The following FCRL2 variants were observed in gnomAD, a reference collection of about 807,000 sequenced individuals.
FCRL2 encodes the protein Fc receptor like 2.
A neutral mutation model predicts 59.8 loss-of-function variants in FCRL2; 48 were observed. The ratio of observed to expected loss-of-function variants is 0.80; its 90% CI spans 0.64 to 1.02. FCRL2 has a LOEUF of 1.02. Among genes scored for constraint, FCRL2 ranks in the 50% least tolerant of loss-of-function variants. FCRL2 has a pLI of 0.00. For synonymous variants in FCRL2, 251 were observed against 229.5 expected (o/e 1.09, Z -0.85); for missense variants, 658 against 597.3 (o/e 1.10, Z -1.06).
intron 7 of FCRL2, among the ~76,000 whole-genome samples, chr1:157,760,678 GGAAAGAAAGAAAGAAAGAAGGAAA>G (rs1648964810): frequency 1.4e-5 from 1 of 70,550 alleles, no homozygotes; most frequent in Non-Finnish European, 2.7e-5. Flanking sequence ...AAGGAAGGAA[GGAAAGAAAGAAAGAAAGAAGGAAA>G]GAAAGAAAGA....
intron 7 of FCRL2, chr1:157,766,650 T>C (rs1571282258): frequency 3.0e-6 from 2 of 670,266 alleles, no homozygotes; most frequent in East Asian, 2.9e-5. Context: ...CCAGTGACTA[T>C]GCACAGGGAA....
chr1:157,759,413 A>G (rs1648856406), intron 7 of FCRL2, among the ~76,000 whole-genome samples: 1 of 152,216 alleles, frequency 6.6e-6, no homozygotes. Context: ...GAAGACTCCA[A>G]AAACAATTGC....
chr1:157,757,956 C>T (rs531881178), intron 7 of FCRL2, among the ~76,000 whole-genome samples: 4 of 152,126 alleles, frequency 2.6e-5, no homozygotes, highest in East Asian at 3.9e-4. Context: ...AGTGAGACTG[C>T]GTCTCGAAAA....
rs564798460 is a variant in FCRL2 at position 157,768,058 on chromosome 1, A to C, written c.883+356T>G. On this transcript the variant is annotated intron_variant, in intron 5 of 11. Transcript: ENST00000361516. ...AGTTTCGGCAAGCTAGAAACACTCT[A>C]ATCACTTTGAAGGAGATGACATAAA... 9 of 242,194 alleles carry C rather than the reference A, an allele frequency of 3.7e-5. No individual in the cohort carries two copies. The South Asian group carries it at 6.1e-4, about 16-fold the overall frequency. 15.0% of individuals were successfully genotyped at this position (242,194 alleles called of 1,614,324 possible).
chr1:157,767,998 C>T (rs540512434), intron 5 of FCRL2: 22 of 245,630 alleles, frequency 9.0e-5, no homozygotes, highest in South Asian at 5.5e-4. Flanking sequence ...AGTAAATCAC[C>T]AATAACATGG....
chr1:157,758,764 T>A (rs1261021357), intron 7 of FCRL2, among the ~76,000 whole-genome samples: 6 of 120,552 alleles, frequency 5.0e-5, no homozygotes, highest in African/African-American at 1.6e-4. Context: ...AATAACCAAA[T>A]AAGAAATAAA....
At chr1:157,768,796 T>A (rs1335884266) in intron 4 of FCRL2, 95 bp from the exon 5 acceptor site, 2 of 1,212,168 alleles carry the variant, frequency 1.6e-6, no homozygotes, top group Non-Finnish European at 2.3e-6. Flanking sequence ...TGTGGGAATG[T>A]GGAGATTGTA....
intron 10 of FCRL2, 102 bp downstream of exon 10, chr1:157,748,439 GACAAATAAATAA>G (rs1557851293): frequency 1.3e-5 from 5 of 372,320 alleles, no homozygotes; most frequent in African/African-American, 1.1e-4. Context: ...TAGATAGATA[GACAAATAAATAA>G]ATAAATAAAT....
chr1:157,760,698 G>GGAAA (rs1163684979), intron 7 of FCRL2, among the ~76,000 whole-genome samples: 16,911 of 96,668 alleles, frequency 0.17, 1,515 homozygotes, highest in Non-Finnish European at 0.21. Context: ...AAAGAAAGAA[G>GGAAA]GAAAGAAAGA....
At chr1:157,776,623 CAG>C (rs939329820) in intron 1 of FCRL2, among the ~76,000 whole-genome samples, 1 of 152,154 alleles carries the variant, frequency 6.6e-6, no homozygotes, top group African/African-American at 2.4e-5. Flanking sequence ...CACGATTAAA[CAG>C]AGGAATATTA....
At chr1:157,764,808 G>A (rs968559352) in intron 7 of FCRL2, among the ~76,000 whole-genome samples, 1 of 152,102 alleles carries the variant, frequency 6.6e-6, no homozygotes, top group African/African-American at 2.4e-5. Context: ...AAACCTGTGG[G>A]ATACAGCAAA....
chr1:157,768,581 C>G lies in FCRL2; in HGVS notation c.716G>C (p.Trp239Ser). The change falls in exon 5 of 12, where the codon TGG becomes TCG. Residue 239 changes from tryptophan (W) to serine (S), a missense_variant. Physicochemically the swap from Trp to Ser is radical, Grantham distance 177. Transcript: ENST00000361516. The part of the protein sequence containing the change: ...AGGTGNVTFS[W>S]YREATGTSMG... ...ACTGGTTCCTGTGGCCTCTCTGTAC[C>G]AGGAGAATGTGACATTTCCTGTACC... 2 of 1,614,176 alleles carry G rather than the reference C, an allele frequency of 1.2e-6. No homozygotes were observed. The highest frequency in any genetic ancestry group is 1.3e-5 in the African/African-American group (1 of 75,034).
chr1:157,748,689 G>T (rs1172348844), intron 9 of FCRL2, 71 bp from the exon 10 acceptor site: 11 of 1,357,272 alleles, frequency 8.1e-6, no homozygotes, highest in Middle Eastern at 3.6e-4. Flanking sequence ...AGCTTCCCAG[G>T]CCCTGGCTTA....
intron 5 of FCRL2, 136 bp from the exon 6 acceptor site, chr1:157,767,645 C>G (rs373995926): frequency 1.9e-6 from 3 of 1,608,856 alleles, no homozygotes; most frequent in South Asian, 1.1e-5. Context: ...CCCACTAGAA[C>G]AGTTAGAGAT....
intron 2 of FCRL2, among the ~76,000 whole-genome samples, 154 bp downstream of exon 2, chr1:157,775,621 A>G (rs1463981254): frequency 6.6e-6 from 1 of 152,220 alleles, no homozygotes; most frequent in Non-Finnish European, 1.5e-5. Context: ...GTGGTGTTGG[A>G]AACAGGCTGC....
chr1:157,770,178 A>G lies in FCRL2; in HGVS notation c.311-28T>C, dbSNP rs761992910. 23 of 1,602,656 alleles carry G rather than the reference A, an allele frequency of 1.4e-5. No individual in the cohort carries two copies. The South Asian group carries it at 2.2e-4, about 15-fold the overall frequency. ...AGAGAGAAGGATCACAATAGTCCCC[A>G]AAGCAGTGACAGCTAAGATTCCTGC... On this transcript the variant is annotated intron_variant, in intron 3 of 11. Transcript: ENST00000361516.
At chr1:157,759,464 A>G (rs990949348) in intron 7 of FCRL2, among the ~76,000 whole-genome samples, 7 of 152,218 alleles carry the variant, frequency 4.6e-5, no homozygotes, top group Non-Finnish European at 1.0e-4. Flanking sequence ...TAATTAAACT[A>G]AAGAGCTTCT....
chr1:157,754,435 G>C (rs1296552449), intron 7 of FCRL2, among the ~76,000 whole-genome samples: 1 of 152,116 alleles, frequency 6.6e-6, no homozygotes, highest in Non-Finnish European at 1.5e-5. Flanking sequence ...ATATCATCAA[G>C]AAATAACCAT....
At chr1:157,771,017 GGA>G (rs1649981781) in intron 2 of FCRL2, among the ~76,000 whole-genome samples, 1 of 152,096 alleles carries the variant, frequency 6.6e-6, no homozygotes, top group Non-Finnish European at 1.5e-5. Flanking sequence ...GTCACATGAT[GGA>G]AAACTAATCA....
Sources: gnomAD v4.1 joint callset for allele counts (sites outside exome capture counted in the v4.1 genomes callset) on GRCh38, gnomAD v4.1.1 for gene constraint, MANE v1.5 for transcripts, NCBI Gene and HGNC (gene_info 2026-07-23, HGNC 2026-07-21) for gene names.